GABRD: variants seen among roughly 807,000 people sequenced by gnomAD.
GABRD encodes the protein gamma-aminobutyric acid type A receptor subunit delta, also known as gamma-aminobutyric acid receptor subunit delta.
Under a neutral mutation model 47.3 loss-of-function variants are expected in GABRD, and 25 were observed. The ratio of observed to expected loss-of-function variants is 0.53; its 90% CI spans 0.39 to 0.74. The LOEUF is 0.74. GABRD is among the 30% of genes least tolerant of loss of function. The pLI is 0.00. For synonymous variants in GABRD, 314 were observed against 278.8 expected, an observed-to-expected ratio of 1.13 and a Z score of -1.26; for missense variants, 497 against 643.4, an observed-to-expected ratio of 0.77 and a Z score of 2.46.
chr1:2,019,564 G>A, intron 1 of GABRD, 73 bp downstream of exon 1: 1 of 944,812 alleles, frequency 1.1e-6, no homozygotes. Context: ...GATAGCGGCT[G>A]GGAGAGCGGC....
intron 4 of GABRD, among the ~76,000 whole-genome samples, chr1:2,026,230 C>T (rs947283131): frequency 3.3e-5 from 5 of 152,168 alleles, no homozygotes; most frequent in East Asian, 1.9e-4. Context: ...AACATTTCAT[C>T]GAAAGGGAAT....
intron 8 of GABRD, 104 bp from the exon 9 acceptor site, chr1:2,029,879 C>G (rs1340110547): frequency 1.3e-6 from 2 of 1,511,796 alleles, no homozygotes; most frequent in African/African-American, 2.7e-5. Flanking sequence ...GGGGCTGGAG[C>G]TGCTGGTCCA....
At chr1:2,019,852 G>T (rs540508089) in intron 1 of GABRD, among the ~76,000 whole-genome samples, 29 of 152,316 alleles carry the variant, frequency 1.9e-4, no homozygotes, top group African/African-American at 6.3e-4. Flanking sequence ...TGCCCGGCGG[G>T]TGCCTTGAGG....
At chr1:2,021,436 G>A (rs998560362) in intron 1 of GABRD, among the ~76,000 whole-genome samples, 1 of 152,110 alleles carries the variant, frequency 6.6e-6, no homozygotes, top group African/African-American at 2.4e-5. Flanking sequence ...CAGGACAGCC[G>A]CCCTCCCTTC....
intron 4 of GABRD, 186 bp from the exon 5 acceptor site, chr1:2,027,391 A>G (rs1461571199): frequency 1.5e-6 from 1 of 653,720 alleles, no homozygotes; most frequent in South Asian, 1.7e-5. Context: ...GACGGTCCTA[A>G]AGGAATACTT....
intron 4 of GABRD, 125 bp downstream of exon 4, chr1:2,025,863 AGG>A: frequency 1.4e-6 from 1 of 717,812 alleles, no homozygotes; most frequent in Non-Finnish European, 2.3e-6. Flanking sequence ...GGGCGGGCGG[AGG>A]GGGGGGCAGA....
chr1:2,030,246 C>G lies in GABRD; in HGVS notation c.1323C>G (p.Ala441=). The G allele has an allele frequency of 6.4e-7, 1 of 1,559,242 alleles. No homozygotes were observed. The highest frequency in any genetic ancestry group is 1.9e-5 in the Admixed American group (1 of 53,584). ...CTGTGTTCCCTGCGGCGTTTGCGGCCGTCAATGTCATCTACTGGGCGGCAT... is the reference window on the plus strand; with the variant it reads ...CTGTGTTCCCTGCGGCGTTTGCGGCGGTCAATGTCATCTACTGGGCGGCAT... ...ARAVFPAAFA[A]VNVIYWAAYA... Residue 441 remains alanine (A), a synonymous_variant, in exon 9 of 9, where the codon GCC becomes GCG. Transcript: ENST00000378585.
At position 2,025,337 on chromosome 1, in the gene GABRD, C is replaced by T. The variant is rs764518075; in HGVS notation, c.185C>T (p.Pro62Leu). ...TAGTTCTGCTCTTTCCTTGCAGGCCCCCCCGTGAATGTGGCCCTTGCCCTG... is the reference window on the plus strand; with the variant it reads ...TAGTTCTGCTCTTTCCTTGCAGGCCTCCCCGTGAATGTGGCCCTTGCCCTG... Reference protein sequence around the residue: ...ARNFRPGIGGPPVNVALALEV... With the variant: ...ARNFRPGIGGLPVNVALALEV... Residue 62 changes from proline to leucine, a missense_variant, in exon 3 of 9, where the codon CCC (proline) becomes CTC (leucine). Pro to Leu is a moderately conservative substitution (Grantham distance 98). This residue lies in a region of GABRD where 91 missense variants were observed against 85.5 expected (regional missense o/e 1.06). Coordinates refer to ENST00000378585, the MANE Select transcript of GABRD (RefSeq NM_000815.5). 3.1e-6 allele frequency: 5 copies of T among 1,613,104 alleles called. No homozygotes were observed. The Admixed American group carries it at 5.0e-5, about 16-fold the overall frequency.
rs775540162 is a variant in GABRD, at chr1:2,030,072, C to G, written c.1149C>G (p.Val383=). 7 of 1,608,894 alleles carry G rather than the reference C, an allele frequency of 4.4e-6. No homozygotes were observed. The highest frequency in any genetic ancestry group is 5.9e-6 in the Non-Finnish European group (7 of 1,178,160). Residue 383 remains valine (V), a synonymous_variant, in exon 9 of 9, where the codon GTC becomes GTG. Coordinates refer to ENST00000378585, the MANE Select transcript of GABRD (RefSeq NM_000815.5). ...ELAISRRQRR[V]PGNLMGSYRS... ...CCATCTCCCGCCGGCAGCGCCGCGT[C>G]CCGGGGAACCTGATGGGCTCCTACA...
intron 1 of GABRD, among the ~76,000 whole-genome samples, chr1:2,021,282 T>C (rs1259632053): frequency 6.6e-6 from 1 of 152,226 alleles, no homozygotes. Flanking sequence ...CTCAACCTCC[T>C]GCTCTTGGCG....
intron 1 of GABRD, among the ~76,000 whole-genome samples, chr1:2,021,133 T>C (rs1345423036): frequency 1.3e-5 from 2 of 152,194 alleles, no homozygotes; most frequent in Non-Finnish European, 2.9e-5. Context: ...GGGGTGCCGT[T>C]GGGGAGGACA....
rs768500052 is a variant in GABRD, at chr1:2,029,531, G to A, written c.848-20G>A. 14 of 1,610,660 alleles carry A rather than the reference G, an allele frequency of 8.7e-6. No homozygotes were observed. Among genetic ancestry groups the A allele is most frequent in the Non-Finnish European group, 1.2e-5 (14 of 1,179,816 alleles). Reference sequence around the variant, plus strand: ...GCGTGAGGGCAGGGCTACGACAATGGCACCACCTGTGCCCGGCAGGCATCA... The same window carrying A: ...GCGTGAGGGCAGGGCTACGACAATGACACCACCTGTGCCCGGCAGGCATCA... On this transcript the variant is annotated intron_variant, in intron 7 of 8. Transcript: ENST00000378585.
Position 2,028,248 on chromosome 1 carries a change from T to C in GABRD, c.647T>C (p.Ile216Thr). The C allele has an allele frequency of 6.2e-7, 1 of 1,612,242 alleles. No homozygotes were observed. The highest frequency in any genetic ancestry group is 1.1e-5 in the South Asian group (1 of 91,032). The change falls in exon 6 of 9, where the codon ATC becomes ACC. Residue 216 changes from isoleucine (I) to threonine (T), a missense_variant. This residue lies in a region of GABRD where 285 missense variants were observed against 436.6 expected (regional missense o/e 0.65). Transcript: ENST00000378585. This position sits in a 1 kb window ranked among gnomAD's most constrained non-coding sequence, Gnocchi z 6.4. Reference sequence around the variant, plus strand: ...AAGCTGCAGCTGGCGCAGTTCACCATCACCAGCTACCGCTTCACCACGGAG... The same window carrying C: ...AAGCTGCAGCTGGCGCAGTTCACCACCACCAGCTACCGCTTCACCACGGAG... ...LDKLQLAQFT[I>T]TSYRFTTELM...
chr1:2,029,771 C>T lies in GABRD; in HGVS notation c.1059+9C>T. 1.2e-6 allele frequency: 2 copies of T among 1,609,518 alleles called. No individual in the cohort carries two copies. Among genetic ancestry groups the T allele is most frequent in the South Asian group, 1.1e-5 (1 of 91,014 alleles). ...CCAGGCCGAGGGCAGAGGTGAGGGC[C>T]TGGGGCCGAGCCAGGGACAGCACTG... On this transcript the variant is annotated intron_variant, in intron 8 of 8. Transcript: ENST00000378585.
Position 2,030,216 on chromosome 1 carries a change from C to T in GABRD, c.1293C>T (p.Ala431=). ...ACGCAGACACCATTGACATTTACGCCCGCGCTGTGTTCCCTGCGGCGTTTG... is the reference window on the plus strand; with the variant it reads ...ACGCAGACACCATTGACATTTACGCTCGCGCTGTGTTCCCTGCGGCGTTTG... The part of the protein sequence containing the change: ...PIDADTIDIY[A]RAVFPAAFAA... Residue 431 remains alanine, a synonymous_variant, in exon 9 of 9, where the codon GCC becomes GCT. Transcript: ENST00000378585. The T allele has an allele frequency of 6.4e-7, 1 of 1,568,216 alleles. No homozygotes were observed.
intron 5 of GABRD, chr1:2,027,872 C>T: frequency 1.6e-6 from 1 of 625,854 alleles, no homozygotes; most frequent in Non-Finnish European, 2.8e-6. Flanking sequence ...GGGAGCCGGG[C>T]CATGGAGCCC....
rs1390954505 is a variant in GABRD, at chr1:2,027,608, C to A, written c.502C>A (p.Leu168Met). Residue 168 changes from leucine (L) to methionine (M), a missense_variant, in exon 5 of 9, where the codon CTG becomes ATG. Around this residue, in one of 3 missense-constraint regions of GABRD, gnomAD observed 285 missense variants for 436.6 expected, o/e 0.65. Coordinates refer to ENST00000378585, the MANE Select transcript of GABRD (RefSeq NM_000815.5). ...ITSTVACDMD[L>M]AKYPMDEQEC... ...CTCCACTGTGGCCTGCGACATGGAC[C>A]TGGCCAAATACCCCATGGACGAGCA... is the stretch of plus-strand genomic sequence containing the variant. 1.2e-6 allele frequency: 2 copies of A among 1,613,760 alleles called. No homozygotes were observed. The highest frequency in any genetic ancestry group is 1.7e-6 in the Non-Finnish European group (2 of 1,179,984).
At position 2,029,730 on chromosome 1, in the gene GABRD, G is replaced by C. The variant is rs749316684; in HGVS notation, c.1027G>C (p.Ala343Pro). 6.2e-7 allele frequency: 1 copy of C among 1,613,192 alleles called. No individual in the cohort carries two copies. The highest frequency in any genetic ancestry group is 1.3e-5 in the African/African-American group (1 of 74,946). Residue 343 changes from alanine (A) to proline (P), a missense_variant, in exon 8 of 9, where the codon GCC (alanine) becomes CCC (proline). Around this residue, in one of 3 missense-constraint regions of GABRD, gnomAD observed 285 missense variants for 436.6 expected, o/e 0.65. Transcript: ENST00000378585. ...CGCCGACTACAGGAAGAAGCAGAAG[G>C]CCAAGGTCAAGGTCTCCAGGCCGAG... is the stretch of plus-strand genomic sequence containing the variant. ...FNADYRKKQKAKVKVSRPRAE... is the reference protein window; with the variant it reads ...FNADYRKKQKPKVKVSRPRAE...
intron 4 of GABRD, 162 bp downstream of exon 4, chr1:2,025,900 C>T (rs529318515): frequency 1.8e-5 from 11 of 623,758 alleles, no homozygotes; most frequent in African/African-American, 3.7e-5. Flanking sequence ...TTATATCCCC[C>T]GCAGCTGCTG....
Sources: gnomAD v4.1 joint callset for allele counts (sites outside exome capture counted in the v4.1 genomes callset) on GRCh38, gnomAD v4.1.1 for gene constraint, gnomAD v4.1.1 regional missense constraint, Gnocchi (gnomAD v3.1) non-coding constraint, MANE v1.5 for transcripts, NCBI Gene and HGNC (gene_info 2026-07-23, HGNC 2026-07-21) for gene names.